Variants in PTK2 observed in about 807,000 individuals in gnomAD.
PTK2 encodes focal adhesion kinase 1.
Under a neutral mutation model 150.1 loss-of-function variants are expected in PTK2, and 45 were observed. That is an observed-to-expected ratio of 0.30 (90% CI 0.24 to 0.38). The LOEUF (loss-of-function observed/expected upper bound fraction) is 0.38. PTK2 is among the 10% of genes least tolerant of loss of function. The probability of loss-of-function intolerance (pLI) is 1.00; values close to 1 mark genes in which losing one functional copy is unlikely to be tolerated. For synonymous variants in PTK2, 432 were observed against 449.2 expected (o/e 0.96, Z 0.48); for missense variants, 919 against 1,307.3 (o/e 0.70, Z 4.58).
chr8:140,929,254 C>T (rs555261028), intron 1 of PTK2, among the ~76,000 whole-genome samples: 6 of 152,010 alleles, frequency 3.9e-5, no homozygotes, highest in African/African-American at 1.4e-4. Flanking sequence ...CGTGAGCCAC[C>T]GCGCCCGGCC....
chr8:140,739,167 G>T, intron 20 of PTK2, 60 bp from the exon 24 acceptor site: 1 of 1,120,904 alleles, frequency 8.9e-7, no homozygotes, highest in Non-Finnish European at 1.2e-6. Flanking sequence ...ATCTAACAGA[G>T]CTAGCTGAGA....
chr8:140,848,564 A>G (rs1303648370), intron 5 of PTK2, among the ~76,000 whole-genome samples: 1 of 152,218 alleles, frequency 6.6e-6, no homozygotes, highest in African/African-American at 2.4e-5. Context: ...TACTCCTTCC[A>G]CAAAGCAGGC....
chr8:140,835,563 AG>A (rs1205805345), intron 7 of PTK2, among the ~76,000 whole-genome samples: 3 of 152,176 alleles, frequency 2.0e-5, no homozygotes, highest in Non-Finnish European at 2.9e-5. Flanking sequence ...TAACTGCAAC[AG>A]AGATTGCTGT....
intron 27 of PTK2, among the ~76,000 whole-genome samples, chr8:140,680,354 A>T (rs1160381726): frequency 6.6e-6 from 1 of 152,080 alleles, no homozygotes; most frequent in Admixed American, 6.5e-5. Context: ...CAGCCTTCTG[A>T]GTAGCTGGGA....
intron 10 of PTK2, 82 bp from the exon 11 acceptor site, chr8:140,803,732 CGTT>C: frequency 2.3e-6 from 3 of 1,297,042 alleles, no homozygotes; most frequent in Non-Finnish European, 3.3e-6. Context: ...GTGAAATCCT[CGTT>C]GTCCTGAAGA....
At chr8:140,886,888 T>C (rs2100152518) in intron 3 of PTK2, among the ~76,000 whole-genome samples, 1 of 152,172 alleles carries the variant, frequency 6.6e-6, no homozygotes, top group Non-Finnish European at 1.5e-5. Flanking sequence ...ATTTGGAATT[T>C]TATGTCATTA....
At chr8:140,876,805 C>A (rs2100145794) in intron 4 of PTK2, among the ~76,000 whole-genome samples, 1 of 152,036 alleles carries the variant, frequency 6.6e-6, no homozygotes, top group Non-Finnish European at 1.5e-5. Context: ...GCTATTTTAT[C>A]AATCCTGTGA....
At chr8:140,820,908 GGCT>G (rs1294746306) in intron 8 of PTK2, 2 of 152,302 alleles carry the variant, frequency 1.3e-5, no homozygotes, top group Admixed American at 6.5e-5. Context: ...GTTGAGGTGT[GGCT>G]GCTAAGTCAG....
chr8:140,982,269 T>C (rs73714799), intron 1 of PTK2, among the ~76,000 whole-genome samples: 3,380 of 152,274 alleles, frequency 0.022, 135 homozygotes, highest in African/African-American at 0.078. Flanking sequence ...AAGATACACA[T>C]TGGATCATTA....
Position 140,752,261 on chromosome 8 carries a change from C to T in PTK2, c.1388G>A (p.Ser463Asn), listed in dbSNP as rs369322976. Residue 463 changes from serine to asparagine, a missense_variant, in exon 17 of 32, where the codon AGC becomes AAC. By Grantham distance (46) the Ser-to-Asn change is conservative. Transcript: ENST00000522684. ...TTCTTGAAGAAATTTCTCTCTCACG[C>T]TGTCCGAAGTACAGTTTTTACATGT... 1 of 1,614,030 alleles carries T rather than the reference C, an allele frequency of 6.2e-7. No individual in the cohort carries two copies. The highest frequency in any genetic ancestry group is 1.3e-5 in the African/African-American group (1 of 74,952).
At chr8:140,717,765 T>TA in intron 22 of PTK2, 56 bp from the exon 26 acceptor site, 2 of 1,381,512 alleles carry the variant, frequency 1.4e-6, no homozygotes, top group Admixed American at 3.4e-5. Context: ...TAGCACACAC[T>TA]AGACCCCACC....
At chr8:140,905,606 G>A (rs1014633648) in intron 2 of PTK2, among the ~76,000 whole-genome samples, 4 of 152,078 alleles carry the variant, frequency 2.6e-5, no homozygotes, top group African/African-American at 9.7e-5. Context: ...GTCAATATTA[G>A]ACAGATCAAC....
At chr8:140,731,349 A>C (rs1216084935) in intron 22 of PTK2, among the ~76,000 whole-genome samples, 1 of 152,122 alleles carries the variant, frequency 6.6e-6, no homozygotes, top group African/African-American at 2.4e-5. Flanking sequence ...ATTATAAGAA[A>C]ATTTCACTGT....
At chr8:140,857,342 C>T (rs560278178) in intron 5 of PTK2, among the ~76,000 whole-genome samples, 6 of 152,170 alleles carry the variant, frequency 3.9e-5, no homozygotes, top group Admixed American at 3.9e-4. Context: ...TCATCTCTCA[C>T]CCTGCCCTCC....
At chr8:140,851,858 C>CA (rs34116543) in intron 5 of PTK2, among the ~76,000 whole-genome samples, 32 of 137,810 alleles carry the variant, frequency 2.3e-4, no homozygotes, top group South Asian at 9.4e-4. Flanking sequence ...GACTTTATCT[C>CA]AAAAAAAAAA....
exon 28 of PTK2, chr8:140,675,490 G>T: frequency 6.2e-7 from 1 of 1,611,328 alleles, no homozygotes; most frequent in Non-Finnish European, 8.5e-7. Flanking sequence ...TATATATGTT[G>T]GTTTCCAATC....
chr8:140,752,025 A>G, intron 17 of PTK2: 1 of 698,730 alleles, frequency 1.4e-6, no homozygotes, highest in Non-Finnish European at 2.6e-6. Flanking sequence ...ACATCAATCT[A>G]CCTTTACACA....
chr8:140,999,428 A>G (rs11785430), intron 1 of PTK2, among the ~76,000 whole-genome samples: 67,188 of 152,118 alleles, frequency 0.44, 16,057 homozygotes, highest in Non-Finnish European at 0.55. Flanking sequence ...AAGGTTCAAA[A>G]TGATGGTAGG....
At chr8:140,881,282 G>A (rs926531839) in intron 3 of PTK2, among the ~76,000 whole-genome samples, 8 of 152,168 alleles carry the variant, frequency 5.3e-5, no homozygotes, top group African/African-American at 1.9e-4. Flanking sequence ...TTGTGCTCTG[G>A]GGTGGGGAAC....
Sources: gnomAD v4.1 joint callset for allele counts (sites outside exome capture counted in the v4.1 genomes callset) on GRCh38, gnomAD v4.1.1 for gene constraint, MANE v1.5 for transcripts, NCBI Gene and HGNC (gene_info 2026-07-23, HGNC 2026-07-21) for gene names.